The following CHD9 variants were observed in gnomAD, a reference collection of about 807,000 sequenced individuals.
The protein encoded by CHD9 is ATP-dependent chromatin remodeler CHD9.
A neutral mutation model predicts 316.1 loss-of-function variants in CHD9; 77 were observed. The observed-to-expected ratio is 0.24, with a 90% CI of 0.20 to 0.29. The LOEUF (loss-of-function observed/expected upper bound fraction) is 0.29. CHD9 is among the 10% of genes least tolerant of loss of function. The probability of loss-of-function intolerance (pLI) is 1.00; values close to 1 mark genes in which losing one functional copy is unlikely to be tolerated. For synonymous variants in CHD9, 1,129 were observed against 1,158.3 expected, an observed-to-expected ratio of 0.97 and a Z score of 0.51; for missense variants, 2,763 against 3,438.1, an observed-to-expected ratio of 0.80 and a Z score of 4.91.
chr16:53,284,647 T>G (rs1302910020), intron 24 of CHD9, among the ~76,000 whole-genome samples: 1 of 152,216 alleles, frequency 6.6e-6, no homozygotes, highest in Non-Finnish European at 1.5e-5. Flanking sequence ...TATTTGTTAC[T>G]TATAAAATCA....
At chr16:53,285,765 T>C in intron 25 of CHD9, 66 bp downstream of exon 25, 1 of 804,876 alleles carries the variant, frequency 1.2e-6, no homozygotes, top group East Asian at 2.6e-5. Context: ...AGTTCTCAGT[T>C]CATTGATTTC....
At position 53,249,874 on chromosome 16, in the gene CHD9, C is replaced by T. The variant is rs760617616; in HGVS notation, c.3669C>T (p.Tyr1223=). ...TTTATTCCATTTCATTCCATAGATA[C>T]TTATATGAGCGAATTGATGGCAGAG... The part of the protein sequence containing the change: ...ILEDYLIHKR[Y]LYERIDGRVR... Residue 1223 remains tyrosine (Y), a synonymous_variant, in exon 17 of 39, where the codon TAC becomes TAT. Transcript: ENST00000447540. 67 of 1,608,792 alleles carry T rather than the reference C, an allele frequency of 4.2e-5. No individual in the cohort carries two copies. The highest frequency in any genetic ancestry group is 5.4e-5 in the Non-Finnish European group (63 of 1,175,374).
intron 5 of CHD9, 149 bp from the exon 6 acceptor site, chr16:53,227,247 T>G (rs534320231): frequency 1.8e-6 from 1 of 551,652 alleles, no homozygotes; most frequent in Admixed American, 4.1e-5. Flanking sequence ...ATTTTTTTCA[T>G]TTTTGTATTT....
chr16:53,166,644 A>G (rs914079972), intron 2 of CHD9, among the ~76,000 whole-genome samples: 8 of 152,262 alleles, frequency 5.3e-5, no homozygotes, highest in African/African-American at 1.4e-4. Context: ...AGGTTTCTCT[A>G]TTTGGGCAAT....
In CHD9 at chr16:53,143,387, T is replaced by TTTATTTATTTATTTAA. The variant is rs2040293221; in HGVS notation, c.-164-12524_-164-12523insATTATTTATTTATTTA. ...ATTTATTTATTTATTTATTTATTTA[T>TTTATTTATTTATTTAA]TTATTTATTTATTTATCTGAGGCAG... On this transcript the variant is annotated intron_variant, in intron 1 of 38. Transcript: ENST00000447540. Among the ~76,000 whole-genome samples the TTTATTTATTTATTTAA allele has an allele frequency of 1.1e-4, 17 of 148,488 alleles. 1 individual carries two copies. Among genetic ancestry groups the TTTATTTATTTATTTAA allele is most frequent in the African/African-American group, 4.2e-4 (17 of 40,092 alleles).
chr16:53,097,133 T>C (rs11075737), intron 1 of CHD9, among the ~76,000 whole-genome samples: 67,146 of 151,906 alleles, frequency 0.44, 15,867 homozygotes, highest in African/African-American at 0.61. Flanking sequence ...TAGGGTCACA[T>C]GCCATGGTAC....
intron 29 of CHD9, among the ~76,000 whole-genome samples, chr16:53,295,870 G>A (rs2054737052): frequency 6.6e-6 from 1 of 152,148 alleles, no homozygotes; most frequent in Non-Finnish European, 1.5e-5. Context: ...GATCTATGGT[G>A]CATGATGATT....
chr16:53,276,249 G>A (rs2052807272), intron 24 of CHD9, among the ~76,000 whole-genome samples: 1 of 152,120 alleles, frequency 6.6e-6, no homozygotes, highest in African/African-American at 2.4e-5. Flanking sequence ...ATCTCAGCTA[G>A]CCATTTACTT....
intron 11 of CHD9, 150 bp downstream of exon 11, chr16:53,235,456 C>A: frequency 3.5e-6 from 2 of 567,048 alleles, no homozygotes; most frequent in Non-Finnish European, 5.9e-6. Context: ...ATGTAAATTG[C>A]AACTTAGGTT....
chr16:53,079,594 TG>T (rs1231327160), intron 1 of CHD9, among the ~76,000 whole-genome samples: 2 of 152,320 alleles, frequency 1.3e-5, no homozygotes, highest in South Asian at 2.1e-4. Flanking sequence ...TTTATGTTAG[TG>T]GGGTGTCTTT....
In CHD9 at chr16:53,322,959, C is replaced by T. The variant is rs141095518; in HGVS notation, c.7819-1061C>T. Among the ~76,000 whole-genome samples the T allele has an allele frequency of 3.9e-5, 6 of 152,018 alleles. No homozygotes were observed. The East Asian group carries it at 1.2e-3, about 29-fold the overall frequency. On this transcript the variant is annotated intron_variant, in intron 38 of 38. Coordinates refer to ENST00000447540, the MANE Select transcript of CHD9 (RefSeq NM_001308319.2). ...TGTTTTCTGCTATGAGCCCTGATGC[C>T]TTTGTAAAGAGAAAAAATAAGTTGA...
chr16:53,326,399 A>G lies in CHD9; in HGVS notation c.*1504A>G, dbSNP rs548873245. The G allele has an allele frequency of 4.6e-5, 7 of 152,664 alleles. No homozygotes were observed. The highest frequency in any genetic ancestry group is 1.7e-4 in the African/African-American group (7 of 41,590). 9.5% of individuals were successfully genotyped at this position (152,664 alleles called of 1,614,324 possible). On this transcript the variant is annotated 3_prime_UTR_variant, in exon 39 of 39. Transcript: ENST00000447540. The stretch of plus-strand genomic sequence containing the variant: ...CTCCTACAGAAAAAATACTTTCAGT[A>G]TGTTTTGATAAAACTGTTGCTTTGT...
intron 24 of CHD9, among the ~76,000 whole-genome samples, chr16:53,279,361 G>C (rs1038175925): frequency 6.6e-6 from 1 of 152,040 alleles, no homozygotes; most frequent in East Asian, 1.9e-4. Flanking sequence ...GGCCTGTCGT[G>C]GGGTGGGGGG....
At chr16:53,183,608 C>T (rs548387029) in intron 2 of CHD9, among the ~76,000 whole-genome samples, 14 of 152,078 alleles carry the variant, frequency 9.2e-5, no homozygotes, top group Non-Finnish European at 1.9e-4. Flanking sequence ...GTTAGGCAAC[C>T]TTGGGTTTAA....
intron 1 of CHD9, among the ~76,000 whole-genome samples, chr16:53,133,582 C>T: frequency 6.6e-6 from 1 of 152,140 alleles, no homozygotes. Flanking sequence ...GCCTTAGTTT[C>T]CTCCTGTGTA....
chr16:53,163,330 C>A (rs2042049881), intron 2 of CHD9, among the ~76,000 whole-genome samples: 1 of 152,170 alleles, frequency 6.6e-6, no homozygotes, highest in South Asian at 2.1e-4. Flanking sequence ...CCTGCCTCAG[C>A]CTCCCAAATA....
Position 53,222,383 on chromosome 16 carries a change from C to A in CHD9, c.1785-261C>A, listed in dbSNP as rs528609547. ...CACTGCGCCTGGCCTACTTGACTGC[C>A]TTTCTGTGTTTAGAAGTACATTAAT... is the stretch of plus-strand genomic sequence containing the variant. On this transcript the variant is annotated intron_variant, in intron 3 of 38. Coordinates refer to ENST00000447540, the MANE Select transcript of CHD9 (RefSeq NM_001308319.2). Among the ~76,000 whole-genome samples the A allele has an allele frequency of 3.9e-5, 6 of 152,194 alleles. No individual in the cohort carries two copies. In the South Asian group the frequency reaches 1.2e-3, roughly 32 times the overall value.
intron 1 of CHD9, among the ~76,000 whole-genome samples, chr16:53,103,588 C>T (rs1362112613): frequency 6.6e-6 from 1 of 152,208 alleles, no homozygotes; most frequent in African/African-American, 2.4e-5. Context: ...AGTGAGCAAA[C>T]TGAGGTTCTG....
intron 1 of CHD9, among the ~76,000 whole-genome samples, chr16:53,070,532 CCTCT>C (rs113097253): frequency 0.028 from 566 of 20,436 alleles, 5 homozygotes; most frequent in African/African-American, 0.079. Flanking sequence ...TTCCTTCCTT[CCTCT>C]CTCTCTCTCT....
Sources: gnomAD v4.1 joint callset for allele counts (sites outside exome capture counted in the v4.1 genomes callset) on GRCh38, gnomAD v4.1.1 for gene constraint, MANE v1.5 for transcripts, NCBI Gene and HGNC (gene_info 2026-07-23, HGNC 2026-07-21) for gene names.